DHRSX: variants seen among roughly 807,000 people sequenced by gnomAD.
DHRSX encodes dehydrogenase/reductase X-linked.
DHRSX carries 31 observed loss-of-function variants against 34.0 expected under a neutral mutation model. That is an observed-to-expected ratio of 0.91 (90% CI 0.69 to 1.23). The LOEUF is 1.23. Ranked by LOEUF, DHRSX falls within the 50% of genes most tolerant of loss-of-function variation. DHRSX has a pLI of 0.00. For synonymous variants in DHRSX, 201 were observed against 183.8 expected (o/e 1.09, Z -0.76); for missense variants, 414 against 428.1 (o/e 0.97, Z 0.29).
intron 3 of DHRSX, among the ~76,000 whole-genome samples, chrX:2,380,791 G>A (rs1365761833): frequency 6.6e-6 from 1 of 152,128 alleles, no homozygotes; most frequent in Non-Finnish European, 1.5e-5. Context: ...CATGTGCTAT[G>A]GTTTCAATGT....
At chrX:2,295,092 A>G (rs1468276308) in intron 3 of DHRSX, among the ~76,000 whole-genome samples, 1 of 152,214 alleles carries the variant, frequency 6.6e-6, no homozygotes, top group African/African-American at 2.4e-5. Flanking sequence ...CCAAAGGTTT[A>G]TAAATCATTC....
intron 1 of DHRSX, chrX:2,488,680 G>A (rs748455376): frequency 9.9e-6 from 16 of 1,612,402 alleles, no homozygotes; most frequent in Admixed American, 8.4e-5. Flanking sequence ...CGCCGCTGAC[G>A]CCATCCCCCA....
intron 1 of DHRSX, among the ~76,000 whole-genome samples, chrX:2,492,166 G>C (rs2045167481): frequency 6.6e-6 from 1 of 152,228 alleles, no homozygotes; most frequent in African/African-American, 2.4e-5. Context: ...TGGTACTTGT[G>C]TATGGGACCT....
At chrX:2,397,129 A>G (rs2043421801) in intron 3 of DHRSX, among the ~76,000 whole-genome samples, 1 of 151,916 alleles carries the variant, frequency 6.6e-6, no homozygotes, top group East Asian at 1.9e-4. Flanking sequence ...CCTCCTGAGT[A>G]GCTGAGACTC....
At chrX:2,276,341 C>T (rs1157650661) in intron 4 of DHRSX, among the ~76,000 whole-genome samples, 1 of 152,182 alleles carries the variant, frequency 6.6e-6, no homozygotes, top group Admixed American at 6.5e-5. Flanking sequence ...ACGTTAGGAG[C>T]ATTCACGGAA....
chrX:2,274,853 G>A (rs1421913787), intron 4 of DHRSX, among the ~76,000 whole-genome samples: 1 of 152,164 alleles, frequency 6.6e-6, no homozygotes, highest in Non-Finnish European at 1.5e-5. Context: ...TTTTGTTGTT[G>A]AGTTCTTTGC....
At chrX:2,407,984 T>C (rs1210051054) in intron 3 of DHRSX, among the ~76,000 whole-genome samples, 2 of 152,046 alleles carry the variant, frequency 1.3e-5, no homozygotes, top group Middle Eastern at 3.2e-3. Context: ...AGAATCTAGA[T>C]GGATATTAGA....
At chrX:2,410,091 T>C (rs1268021085) in intron 2 of DHRSX, among the ~76,000 whole-genome samples, 1 of 152,204 alleles carries the variant, frequency 6.6e-6, no homozygotes, top group Non-Finnish European at 1.5e-5. Flanking sequence ...AGTTTGATGT[T>C]GTCTTCGTCA....
Position 2,243,801 on chromosome X carries a change from T to TGTTTTG in DHRSX, c.597-572_597-571insCAAAAC, listed in dbSNP as rs1569478883. Among the ~76,000 whole-genome samples, 562 of 84,484 alleles carry TGTTTTG rather than the reference T, an allele frequency of 6.7e-3. 9 individuals carry two copies. The highest frequency in any genetic ancestry group is 0.013 in the Non-Finnish European group (488 of 37,736). 55.4% of individuals were successfully genotyped at this position (84,484 alleles called of 152,430 possible). A position where few individuals can be genotyped will look rare whatever the true frequency, so the allele number is the denominator to read the frequency against. The stretch of plus-strand genomic sequence containing the variant: ...ACTATGCTCCCTGTTTTTTTTTTTT[T>TGTTTTG]TTTTTTTTTTTTTTTTTTTTTGAGA... On this transcript the variant is annotated intron_variant, in intron 5 of 6. Coordinates refer to ENST00000334651, the MANE Select transcript of DHRSX (RefSeq NM_145177.3).
chrX:2,318,852 C>G (rs1349476112), intron 3 of DHRSX, among the ~76,000 whole-genome samples: 8 of 152,054 alleles, frequency 5.3e-5, no homozygotes, highest in Non-Finnish European at 7.4e-5. Flanking sequence ...TGGACTCACC[C>G]CAAATTCTTT....
chrX:2,468,233 G>T (rs994288510), intron 1 of DHRSX, among the ~76,000 whole-genome samples: 1 of 152,190 alleles, frequency 6.6e-6, no homozygotes, highest in Admixed American at 6.5e-5. Context: ...AAGGAAGCCT[G>T]TGATGTGATT....
chrX:2,394,585 G>A (rs1409348408), intron 3 of DHRSX, among the ~76,000 whole-genome samples: 1 of 152,132 alleles, frequency 6.6e-6, no homozygotes, highest in Non-Finnish European at 1.5e-5. Context: ...GTTGGAGTTG[G>A]GGCCGGGCAC....
chrX:2,226,600 A>ACCAT, intron 6 of DHRSX, among the ~76,000 whole-genome samples: 1 of 152,168 alleles, frequency 6.6e-6, no homozygotes, highest in East Asian at 1.9e-4. Flanking sequence ...GGAGATCAAG[A>ACCAT]CCATCCTGGC....
chrX:2,345,654 T>G (rs1302099543), intron 3 of DHRSX, among the ~76,000 whole-genome samples: 1 of 57,966 alleles, frequency 1.7e-5, no homozygotes, highest in Non-Finnish European at 4.0e-5. Context: ...AAACTCTGTC[T>G]CAAAAAAAAA....
chrX:2,357,647 G>T (rs2042872654), intron 3 of DHRSX, among the ~76,000 whole-genome samples: 1 of 147,136 alleles, frequency 6.8e-6, no homozygotes, highest in Non-Finnish European at 1.5e-5. Flanking sequence ...AATAACCCTA[G>T]ACCCGATATG....
chrX:2,236,198 A>T (rs2016011675), intron 6 of DHRSX, among the ~76,000 whole-genome samples: 3 of 152,194 alleles, frequency 2.0e-5, no homozygotes, highest in Admixed American at 2.0e-4. Flanking sequence ...ATAAATACAT[A>T]AGCCAATTGG....
intron 5 of DHRSX, among the ~76,000 whole-genome samples, chrX:2,254,646 T>TTTTG (rs919934662): frequency 2.2e-4 from 33 of 152,136 alleles, no homozygotes; most frequent in Non-Finnish European, 4.4e-4. Context: ...GAGAGGTTTT[T>TTTTG]TTTGTTTGTT....
chrX:2,441,750 AC>A (rs2044065080), intron 1 of DHRSX, among the ~76,000 whole-genome samples: 1 of 152,064 alleles, frequency 6.6e-6, no homozygotes, highest in Non-Finnish European at 1.5e-5. Context: ...TTGGGTACAC[AC>A]CCAGAGGAAT....
At chrX:2,304,031 G>GGACGGATGGATGAACT (rs1335769172) in intron 3 of DHRSX, among the ~76,000 whole-genome samples, 1 of 112,080 alleles carries the variant, frequency 8.9e-6, no homozygotes, top group African/African-American at 3.9e-5. Context: ...ACTGATGGAT[G>GGACGGATGGATGAACT]GATGGATGGA....
Sources: gnomAD v4.1 joint callset for allele counts (sites outside exome capture counted in the v4.1 genomes callset) on GRCh38, gnomAD v4.1.1 for gene constraint, MANE v1.5 for transcripts, NCBI Gene and HGNC (gene_info 2026-07-23, HGNC 2026-07-21) for gene names.